The following HPSE2 variants were observed in gnomAD, a reference collection of about 807,000 sequenced individuals.
HPSE2 encodes the protein heparanase 2 (inactive).
In HPSE2, 38 loss-of-function variants were observed where a neutral mutation model predicts 60.5. The observed-to-expected ratio is 0.63, with a 90% CI of 0.48 to 0.82. The LOEUF is 0.82. HPSE2 is among the 40% of genes least tolerant of loss of function. The probability of loss-of-function intolerance (pLI) is 0.00; values close to 1 mark genes in which losing one functional copy is unlikely to be tolerated. For missense variants in HPSE2, 713 were observed against 740.4 expected (o/e 0.96, Z 0.43); for synonymous variants, 295 against 293.2 (o/e 1.01, Z -0.06).
intron 9 of HPSE2, among the ~76,000 whole-genome samples, chr10:98,597,512 A>G (rs917064098): frequency 6.6e-6 from 1 of 151,444 alleles, no homozygotes; most frequent in African/African-American, 2.4e-5. Context: ...TAAAAAAAAA[A>G]AAAAGAAAAA....
chr10:99,139,505 T>TAC (rs1845787146), intron 3 of HPSE2, among the ~76,000 whole-genome samples: 1 of 151,904 alleles, frequency 6.6e-6, no homozygotes, highest in Non-Finnish European at 1.5e-5. Flanking sequence ...GTTAAATATA[T>TAC]ATATATATGT....
chr10:99,169,504 C>CAAAAAAAAAAAAAAAAAAAAAAAA (rs562946052), intron 2 of HPSE2, among the ~76,000 whole-genome samples: 1 of 54,734 alleles, frequency 1.8e-5, no homozygotes, highest in Non-Finnish European at 3.3e-5. Context: ...GACTCCGTCT[C>CAAAAAAAAAAAAAAAAAAAAAAAA]AAAAAAAAAA....
intron 3 of HPSE2, among the ~76,000 whole-genome samples, chr10:99,081,737 C>T (rs1026718584): frequency 6.6e-5 from 10 of 151,908 alleles, no homozygotes; most frequent in Admixed American, 2.6e-4. Context: ...CCCGGGTTCA[C>T]GCCATTCTCC....
At chr10:98,812,408 A>C (rs994763757) in intron 3 of HPSE2, among the ~76,000 whole-genome samples, 9 of 152,100 alleles carry the variant, frequency 5.9e-5, no homozygotes, top group Admixed American at 2.0e-4. Context: ...CCCTGTGAAC[A>C]CCTATTAAAA....
intron 3 of HPSE2, among the ~76,000 whole-genome samples, chr10:99,017,870 T>C (rs899533185): frequency 7.2e-5 from 11 of 152,344 alleles, no homozygotes; most frequent in African/African-American, 2.4e-4. Flanking sequence ...CCAGGCACCA[T>C]GCTTAGGCAC....
At chr10:98,818,348 A>G (rs545006477) in intron 3 of HPSE2, among the ~76,000 whole-genome samples, 1 of 152,308 alleles carries the variant, frequency 6.6e-6, no homozygotes, top group Non-Finnish European at 1.5e-5. Context: ...GGTAGGCATT[A>G]GATTCTCATA....
At chr10:98,601,571 A>C (rs1251651743) in intron 9 of HPSE2, among the ~76,000 whole-genome samples, 1 of 152,226 alleles carries the variant, frequency 6.6e-6, no homozygotes, top group Non-Finnish European at 1.5e-5. Flanking sequence ...ATGTCTTCTG[A>C]TAAAAAGTAG....
intron 3 of HPSE2, among the ~76,000 whole-genome samples, chr10:99,120,541 T>C (rs1365812868): frequency 6.6e-6 from 1 of 152,078 alleles, no homozygotes; most frequent in Non-Finnish European, 1.5e-5. Flanking sequence ...TCGTGCGATC[T>C]TGGCTCACTG....
intron 3 of HPSE2, among the ~76,000 whole-genome samples, chr10:98,899,451 C>G (rs535807988): frequency 6.6e-6 from 1 of 151,886 alleles, no homozygotes; most frequent in African/African-American, 2.4e-5. Flanking sequence ...TATAAACAAC[C>G]CTTAAAACTC....
intron 9 of HPSE2, among the ~76,000 whole-genome samples, chr10:98,610,199 T>C (rs1945714262): frequency 6.7e-6 from 1 of 150,286 alleles, no homozygotes; most frequent in Non-Finnish European, 1.5e-5. Flanking sequence ...TAACTGGGTG[T>C]CCTTGCTCTA....
intron 2 of HPSE2, among the ~76,000 whole-genome samples, chr10:99,168,668 A>C (rs1847180893): frequency 6.6e-6 from 1 of 152,200 alleles, no homozygotes; most frequent in Admixed American, 6.5e-5. Context: ...AGTTATCAGA[A>C]TATCAGAATT....
chr10:99,287,522 C>T, the HPSE2 span, among the ~76,000 whole-genome samples: 1 of 152,208 alleles, frequency 6.6e-6, no homozygotes, highest in East Asian at 1.9e-4. Context: ...GGGTGTGTGG[C>T]TTGGAGTGAA....
chr10:98,832,222 G>T (rs1951699360), intron 3 of HPSE2, among the ~76,000 whole-genome samples: 1 of 152,174 alleles, frequency 6.6e-6, no homozygotes, highest in South Asian at 2.1e-4. Flanking sequence ...GTTAAATCCA[G>T]AAACTGTAAA....
chr10:98,472,269 C>A (rs925123218), intron 11 of HPSE2, among the ~76,000 whole-genome samples: 1 of 152,040 alleles, frequency 6.6e-6, no homozygotes, highest in Non-Finnish European at 1.5e-5. Flanking sequence ...TGAACTGGGG[C>A]ACTAACCTGA....
chr10:99,119,773 G>A (rs148348499), intron 3 of HPSE2, among the ~76,000 whole-genome samples: 10 of 152,198 alleles, frequency 6.6e-5, no homozygotes, highest in Non-Finnish European at 1.3e-4. Flanking sequence ...ACAGAATAGC[G>A]GGCCCAGAAA....
chr10:98,981,917 A>C (rs953809059), intron 3 of HPSE2, among the ~76,000 whole-genome samples: 11 of 152,144 alleles, frequency 7.2e-5, no homozygotes, highest in Non-Finnish European at 1.3e-4. Flanking sequence ...GAGTCTTGGA[A>C]CAATGCAATA....
intron 3 of HPSE2, among the ~76,000 whole-genome samples, chr10:98,805,352 A>C (rs1264563978): frequency 6.6e-6 from 1 of 152,174 alleles, no homozygotes; most frequent in Non-Finnish European, 1.5e-5. Context: ...GACCTGGTAC[A>C]TTTAAAATAG....
rs73341715 is a variant in HPSE2, at chr10:98,653,625, T to C, written c.1005-11685A>G. On this transcript the variant is annotated intron_variant, in intron 6 of 11. Coordinates refer to ENST00000370552, the MANE Select transcript of HPSE2 (RefSeq NM_021828.5). ...GCTTCATATGCAGTACAGGTAATAA[T>C]AGAGTATCCTAAATTTATCCCACCC... 2.9e-3 allele frequency among the ~76,000 whole-genome samples: 446 copies of C among 152,164 alleles called. 3 individuals are homozygous for C. The highest frequency in any genetic ancestry group is 0.01 in the African/African-American group (422 of 41,544).
chr10:98,710,186 G>A (rs56014404), intron 5 of HPSE2, among the ~76,000 whole-genome samples: 1 of 151,898 alleles, frequency 6.6e-6, no homozygotes, highest in Non-Finnish European at 1.5e-5. Context: ...ATTATATGTC[G>A]AGCTAGACTG....
Sources: allele counts gnomAD v4.1 joint callset (sites outside exome capture counted in the v4.1 genomes callset), GRCh38; gene constraint gnomAD v4.1.1; transcripts MANE v1.5; gene names NCBI Gene and HGNC (gene_info 2026-07-23, HGNC 2026-07-21).